Variants in NRG1 observed in about 807,000 individuals in gnomAD.
NRG1 encodes the protein neuregulin 1.
NRG1 carries 18 observed loss-of-function variants against 63.8 expected under a neutral mutation model. That is an observed-to-expected ratio of 0.28 (90% CI 0.19 to 0.42). The LOEUF (loss-of-function observed/expected upper bound fraction) is 0.42, where lower values mean the gene tolerates loss of function less well. NRG1 is among the 10% of genes least tolerant of loss of function. NRG1 has a pLI of 1.00. For synonymous variants in NRG1, 302 were observed against 301.3 expected (o/e 1.00, Z -0.02); for missense variants, 762 against 814.7 (o/e 0.94, Z 0.79).
intron 1 of NRG1, among the ~76,000 whole-genome samples, chr8:32,227,626 G>A (rs1298317865): frequency 6.6e-6 from 1 of 152,120 alleles, no homozygotes; most frequent in Non-Finnish European, 1.5e-5. Context: ...GCTTGAGAAG[G>A]CAATACTGGT....
At chr8:32,100,319 A>G (rs1304270513) in intron 1 of NRG1, among the ~76,000 whole-genome samples, 3 of 152,228 alleles carry the variant, frequency 2.0e-5, no homozygotes, top group Non-Finnish European at 4.4e-5. Context: ...TGCACTTTAC[A>G]ATACATAAAG....
chr8:31,960,653 T>TC (rs1187557391), intron 1 of NRG1, among the ~76,000 whole-genome samples: 3 of 152,218 alleles, frequency 2.0e-5, no homozygotes, highest in Non-Finnish European at 4.4e-5. Flanking sequence ...TTTGGCAGCT[T>TC]GTTGTCAAAG....
At chr8:31,783,765 T>C (rs1819923962) in intron 1 of NRG1, among the ~76,000 whole-genome samples, 1 of 152,188 alleles carries the variant, frequency 6.6e-6, no homozygotes, top group Admixed American at 6.5e-5. Flanking sequence ...TAAATGGTCC[T>C]ACTAAATAGA....
chr8:32,466,542 C>G (rs1823086053), intron 1 of NRG1, among the ~76,000 whole-genome samples: 1 of 152,106 alleles, frequency 6.6e-6, no homozygotes, highest in African/African-American at 2.4e-5. Context: ...AGTGGTTAAA[C>G]AGGATTACTC....
intron 1 of NRG1, among the ~76,000 whole-genome samples, chr8:32,476,214 G>T (rs976986795): frequency 6.6e-6 from 1 of 152,168 alleles, no homozygotes; most frequent in African/African-American, 2.4e-5. Flanking sequence ...GGGGAAAAAA[G>T]GGACCAATGA....
chr8:31,844,880 G>T (rs1261736452), intron 1 of NRG1, among the ~76,000 whole-genome samples: 1 of 151,878 alleles, frequency 6.6e-6, no homozygotes, highest in African/African-American at 2.4e-5. Flanking sequence ...CCAGCACTTT[G>T]GGAGGATCAT....
At chr8:31,947,006 A>G (rs985063660) in intron 1 of NRG1, among the ~76,000 whole-genome samples, 14 of 152,344 alleles carry the variant, frequency 9.2e-5, no homozygotes, top group East Asian at 7.7e-4. Context: ...TTTACTTAGA[A>G]AAGAATGGAT....
chr8:31,930,667 T>C (rs1834783122), intron 1 of NRG1, among the ~76,000 whole-genome samples: 1 of 151,988 alleles, frequency 6.6e-6, no homozygotes, highest in Non-Finnish European at 1.5e-5. Flanking sequence ...TTAGAAATTG[T>C]ATTTTTTTGA....
chr8:31,639,445 C>T, intron 1 of NRG1: 1 of 1,534,334 alleles, frequency 6.5e-7, no homozygotes, highest in Non-Finnish European at 8.7e-7. Context: ...AACAGGCTGG[C>T]GAGGCGCAGG....
chr8:32,117,262 TTGTA>T (rs1434347829), intron 1 of NRG1, among the ~76,000 whole-genome samples: 1 of 152,150 alleles, frequency 6.6e-6, no homozygotes, highest in Admixed American at 6.6e-5. Flanking sequence ...AGATATGTAG[TTGTA>T]TGACTATTTC....
intron 1 of NRG1, among the ~76,000 whole-genome samples, chr8:32,355,089 A>T (rs1028632023): frequency 3.9e-5 from 6 of 152,210 alleles, no homozygotes; most frequent in Middle Eastern, 3.2e-3. Context: ...AGAAAAATTT[A>T]TATAGTAAAA....
intron 1 of NRG1, among the ~76,000 whole-genome samples, chr8:31,646,702 TTGAA>T (rs1804321565): frequency 6.6e-6 from 1 of 152,150 alleles, no homozygotes; most frequent in Non-Finnish European, 1.5e-5. Flanking sequence ...TAAATTCCTG[TTGAA>T]TAATTAATGA....
chr8:32,154,330 T>TG (rs1837827495), intron 1 of NRG1, among the ~76,000 whole-genome samples: 1 of 152,048 alleles, frequency 6.6e-6, no homozygotes. Context: ...TAGTACCTGA[T>TG]GGTACCCCAG....
At chr8:32,236,133 G>T (rs1563937599) in intron 1 of NRG1, among the ~76,000 whole-genome samples, 1 of 151,592 alleles carries the variant, frequency 6.6e-6, no homozygotes, top group African/African-American at 2.4e-5. Flanking sequence ...GTGTGTATGT[G>T]TGTGTGTGTG....
intron 1 of NRG1, among the ~76,000 whole-genome samples, chr8:32,413,582 A>G (rs1815422678): frequency 6.6e-6 from 1 of 152,180 alleles, no homozygotes; most frequent in Admixed American, 6.5e-5. Context: ...CCCTGTTTTT[A>G]AAAGTGAAAT....
intron 1 of NRG1, among the ~76,000 whole-genome samples, chr8:32,086,121 G>A (rs1255853298): frequency 1.3e-5 from 2 of 152,202 alleles, no homozygotes; most frequent in Non-Finnish European, 2.9e-5. Flanking sequence ...TTAATGCTGA[G>A]TATATTGGGA....
At chr8:32,334,878 C>T (rs1803062738) in intron 1 of NRG1, among the ~76,000 whole-genome samples, 1 of 152,254 alleles carries the variant, frequency 6.6e-6, no homozygotes, top group East Asian at 1.9e-4. Flanking sequence ...TTTGGCAAAT[C>T]TCCGTAGCAG....
At chr8:32,047,971 A>T (rs1821284072) in intron 1 of NRG1, among the ~76,000 whole-genome samples, 1 of 151,858 alleles carries the variant, frequency 6.6e-6, no homozygotes, top group Non-Finnish European at 1.5e-5. Flanking sequence ...GCTTTTTTAG[A>T]TTCTGAGTAT....
intron 1 of NRG1, among the ~76,000 whole-genome samples, chr8:31,833,090 G>A (rs1197857052): frequency 6.6e-6 from 1 of 152,010 alleles, no homozygotes; most frequent in Non-Finnish European, 1.5e-5. Flanking sequence ...ATTGCCCAGT[G>A]ACGGATAAGT....
Sources: allele counts gnomAD v4.1 joint callset (sites outside exome capture counted in the v4.1 genomes callset), GRCh38; gene constraint gnomAD v4.1.1; transcripts MANE v1.5; gene names NCBI Gene and HGNC (gene_info 2026-07-23, HGNC 2026-07-21).